The following NSMF variants were observed in gnomAD, a reference collection of about 807,000 sequenced individuals.
NSMF encodes the protein nasal embryonic LHRH factor.
In NSMF, 31 loss-of-function variants were observed where a neutral mutation model predicts 71.0. The observed-to-expected ratio is 0.44, with a 90% CI of 0.33 to 0.59. The LOEUF (loss-of-function observed/expected upper bound fraction) is 0.59, where lower values mean the gene tolerates loss of function less well. Among genes scored for constraint, NSMF ranks in the 20% least tolerant of loss-of-function variants. The pLI is 0.04. For missense variants in NSMF, 673 were observed against 740.5 expected (o/e 0.91, Z 1.06); for synonymous variants, 345 against 287.1 (o/e 1.20, Z -2.04).
At chr9:137,449,859 C>T (rs1839827310) in intron 14 of NSMF, 64 bp downstream of exon 14, 2 of 1,436,716 alleles carry the variant, frequency 1.4e-6, no homozygotes, top group African/African-American at 2.8e-5. Context: ...ATGGAAGGCT[C>T]TGCCCTGTCT....
intron 2 of NSMF, among the ~76,000 whole-genome samples, 184 bp from the exon 3 acceptor site, chr9:137,458,085 C>T (rs1371933487): frequency 6.6e-6 from 1 of 152,208 alleles, no homozygotes; most frequent in Non-Finnish European, 1.5e-5. Flanking sequence ...GAAGCTCTAG[C>T]ATGTGCGTGG....
chr9:137,456,053 G>A (rs1039746321), intron 4 of NSMF, among the ~76,000 whole-genome samples: 1 of 152,256 alleles, frequency 6.6e-6, no homozygotes, highest in Non-Finnish European at 1.5e-5. Flanking sequence ...CCTATGGCAC[G>A]TATGAAACAG....
rs762231955 is a variant in NSMF, at chr9:137,455,290, G to A, written c.728C>T (p.Ala243Val). 14 of 1,612,762 alleles carry A rather than the reference G, an allele frequency of 8.7e-6. No homozygotes were observed. Among genetic ancestry groups the A allele is most frequent in the East Asian group, 4.5e-5 (2 of 44,876 alleles). Reference protein sequence around the residue: ...MQAISVFRGYAERKRRKREND... With the variant: ...MQAISVFRGYVERKRRKREND... Reference sequence around the variant, plus strand: ...CTCCCGTTTCCGGCGCTTCCTCTCCGCGTAGCCCCTGAACACCCTGGGAAA... The same window carrying A: ...CTCCCGTTTCCGGCGCTTCCTCTCCACGTAGCCCCTGAACACCCTGGGAAA... Residue 243 changes from alanine to valine, a missense_variant, in exon 6 of 16, where the codon GCG (alanine) becomes GTG (valine). By Grantham distance (64) the Ala-to-Val change is moderately conservative. Coordinates refer to ENST00000371475, the MANE Select transcript of NSMF (RefSeq NM_001130969.3).
intron 3 of NSMF, among the ~76,000 whole-genome samples, chr9:137,457,108 A>T (rs2132011943): frequency 6.6e-6 from 1 of 151,850 alleles, no homozygotes; most frequent in East Asian, 1.9e-4. Flanking sequence ...CTCCCTACAT[A>T]TCCCTTAAGA....
rs761941440 is a variant in NSMF, at chr9:137,453,674, G to A, written c.922+57C>T. On this transcript the variant is annotated intron_variant, in intron 8 of 15. Transcript: ENST00000371475. The surrounding 1 kb of genome is among the most constrained non-coding windows in gnomAD (Gnocchi z 4.5). ...CCCTGGCAGGGGACCCCCAGCAGGG[G>A]TCTGGGGTCTAGGGGAGGCTCTGGG... The A allele has an allele frequency of 2.2e-6, 3 of 1,386,064 alleles. No individual in the cohort carries two copies. The highest frequency in any genetic ancestry group is 4.1e-5 in the Admixed American group (2 of 49,058). The allele number at this position is 1,386,064 out of a possible 1,614,324, so 85.9% of individuals were successfully genotyped here. A position where few individuals can be genotyped will look rare whatever the true frequency, so the allele number is the denominator to read the frequency against.
In NSMF at chr9:137,449,148, T is replaced by C; in HGVS notation, c.*246A>G. On this transcript the variant is annotated 3_prime_UTR_variant, in exon 16 of 16. Coordinates refer to ENST00000371475, the MANE Select transcript of NSMF (RefSeq NM_001130969.3). The stretch of plus-strand genomic sequence containing the variant: ...AGGCGAGGCATGGCAGGTCAGTGCC[T>C]GGCCGCTGAGCATCCACGGGCCACA... The C allele has an allele frequency of 1.7e-6, 1 of 587,946 alleles. No individual in the cohort carries two copies. Among genetic ancestry groups the C allele is most frequent in the Non-Finnish European group, 3.0e-6 (1 of 328,312 alleles). The allele number at this position is 587,946 out of a possible 1,614,324, so 36.4% of individuals were successfully genotyped here. A position where few individuals can be genotyped will look rare whatever the true frequency, so the allele number is the denominator to read the frequency against.
In NSMF at chr9:137,449,249, G is replaced by C. The variant is rs1588489471; in HGVS notation, c.*145C>G. ...GCAGCGAGGACCGGAACCCACAGGGGGAACCTGAGCAACGTCTGAGGTGCC... is the reference window on the plus strand; with the variant it reads ...GCAGCGAGGACCGGAACCCACAGGGCGAACCTGAGCAACGTCTGAGGTGCC... On this transcript the variant is annotated 3_prime_UTR_variant, in exon 16 of 16. Transcript: ENST00000371475. 1 of 710,500 alleles carries C rather than the reference G, an allele frequency of 1.4e-6. No individual in the cohort carries two copies. Among genetic ancestry groups the C allele is most frequent in the East Asian group, 2.7e-5 (1 of 36,896 alleles). The allele number at this position is 710,500 out of a possible 1,614,324, so 44.0% of individuals were successfully genotyped here.
At chr9:137,450,332 G>C in intron 12 of NSMF, 77 bp from the exon 13 acceptor site, 1 of 1,258,430 alleles carries the variant, frequency 7.9e-7, no homozygotes, top group East Asian at 2.3e-5. Flanking sequence ...GCACATGCGT[G>C]GGAGGTAGTT....
chr9:137,456,338 A>G (rs751365549), intron 4 of NSMF, 73 bp downstream of exon 4: 8 of 1,252,176 alleles, frequency 6.4e-6, no homozygotes, highest in South Asian at 4.8e-5. Context: ...AGAGACTGGG[A>G]AAAAGTGCTG....
chr9:137,449,130 G>T lies in NSMF; in HGVS notation c.*264C>A. The T allele has an allele frequency of 1.7e-6, 1 of 579,150 alleles. No homozygotes were observed. Among genetic ancestry groups the T allele is most frequent in the Non-Finnish European group, 3.1e-6 (1 of 322,598 alleles). The allele number at this position is 579,150 out of a possible 1,614,324, so 35.9% of individuals were successfully genotyped here. A position where few individuals can be genotyped will look rare whatever the true frequency, so the allele number is the denominator to read the frequency against. ...GCCCACAGCTGAGCCTCCAGGCGAG[G>T]CATGGCAGGTCAGTGCCTGGCCGCT... On this transcript the variant is annotated 3_prime_UTR_variant, in exon 16 of 16. Transcript: ENST00000371475.
At position 137,449,716 on chromosome 9, in the gene NSMF, G is replaced by C. The variant is rs372737983; in HGVS notation, c.1420-42C>G. ...GCCATGAGTCCGAGGCAGAGAGATG[G>C]GGAAGGAGGAGCGGGGAGGAGATGG... On this transcript the variant is annotated intron_variant, in intron 14 of 15. Coordinates refer to ENST00000371475, the MANE Select transcript of NSMF (RefSeq NM_001130969.3). 28 of 1,565,640 alleles carry C rather than the reference G, an allele frequency of 1.8e-5. No individual in the cohort carries two copies. The African/African-American group carries it at 3.8e-4, about 21-fold the overall frequency.
chr9:137,453,928 G>C lies in NSMF; in HGVS notation c.833-108C>G. On this transcript the variant is annotated intron_variant, in intron 7 of 15. Transcript: ENST00000371475. The surrounding 1 kb of genome is among the most constrained non-coding windows in gnomAD (Gnocchi z 4.5). The stretch of plus-strand genomic sequence containing the variant: ...GCCCTGGGCAGAGGAGGAAGCTAAT[G>C]TGGGTGGGGTCTAAGGCACATGAAG... 2 of 919,488 alleles carry C rather than the reference G, an allele frequency of 2.2e-6. No individual in the cohort carries two copies. The highest frequency in any genetic ancestry group is 1.4e-5 in the South Asian group (1 of 69,004). The allele number at this position is 919,488 out of a possible 1,614,324, so 57.0% of individuals were successfully genotyped here.
chr9:137,458,920 A>G (rs1327929021), intron 1 of NSMF, 112 bp downstream of exon 1: 12 of 820,338 alleles, frequency 1.5e-5, no homozygotes, highest in Non-Finnish European at 2.1e-5. Flanking sequence ...AGGGCGCCTC[A>G]GTGGCAGAGG....
At chr9:137,458,017 G>A (rs1830935035) in intron 2 of NSMF, 116 bp from the exon 3 acceptor site, 2 of 1,442,570 alleles carry the variant, frequency 1.4e-6, no homozygotes, top group South Asian at 1.2e-5. Flanking sequence ...GGGGGACTAG[G>A]GCTGCCCAAA....
intron 12 of NSMF, among the ~76,000 whole-genome samples, chr9:137,452,084 C>T: frequency 1.3e-5 from 1 of 78,546 alleles, no homozygotes; most frequent in Non-Finnish European, 2.6e-5. Context: ...TTGGTCTCCC[C>T]CAGCCACACC....
rs759671624 is a variant in NSMF at position 137,449,403 on chromosome 9, G to A, written c.1584C>T (p.Asp528=). The A allele has an allele frequency of 3.3e-5, 53 of 1,612,398 alleles. No individual in the cohort carries two copies. The highest frequency in any genetic ancestry group is 1.6e-4 in the East Asian group (7 of 44,882). The part of the protein sequence containing the change: ...RQHSKLLDFD[D]VL ...CGGAGGCCTCTGCCCCTCACAGGAC[G>A]TCGTCAAAGTCCAGCAGCTTCGAGT... The change falls in exon 16 of 16, where the codon GAC becomes GAT. Residue 528 remains aspartate (D), a synonymous_variant. Coordinates refer to ENST00000371475, the MANE Select transcript of NSMF (RefSeq NM_001130969.3).
At chr9:137,455,776 C>G (rs1471749172) in intron 4 of NSMF, 142 bp from the exon 5 acceptor site, 13 of 889,152 alleles carry the variant, frequency 1.5e-5, no homozygotes, top group Non-Finnish European at 2.3e-5. Flanking sequence ...ACCCAGCCAC[C>G]AGCAGGATGC....
Position 137,449,932 on chromosome 9 carries a change from A to T in NSMF, c.1410T>A (p.Asn470Lys). Residue 470 changes from asparagine to lysine, a missense_variant, in exon 14 of 16, where the codon AAT (asparagine) becomes AAA (lysine). Transcript: ENST00000371475. ...IMGCYILGNP[N>K]GEKLFQNLRT... ...TTGGGGGTCACTGTACCTTCTCTCC[A>T]TTGGGGTTCCCCAGAATGTAGCAGC... The T allele has an allele frequency of 6.2e-7, 1 of 1,612,778 alleles. No homozygotes were observed. Among genetic ancestry groups the T allele is most frequent in the Non-Finnish European group, 8.5e-7 (1 of 1,179,640 alleles).
At chr9:137,455,399 G>A in intron 5 of NSMF, 92 bp from the exon 6 acceptor site, 1 of 1,434,798 alleles carries the variant, frequency 7.0e-7, no homozygotes, top group Non-Finnish European at 9.8e-7. Flanking sequence ...GGCCCAGCAG[G>A]GCGTCTGGGG....
Sources: allele counts gnomAD v4.1 joint callset (sites outside exome capture counted in the v4.1 genomes callset), GRCh38; gene constraint gnomAD v4.1.1; non-coding constraint Gnocchi (gnomAD v3.1); transcripts MANE v1.5; gene names NCBI Gene and HGNC (gene_info 2026-07-23, HGNC 2026-07-21).